Variants in CACNA2D3 observed in about 807,000 individuals in gnomAD.
CACNA2D3 encodes calcium voltage-gated channel auxiliary subunit alpha2delta 3.
CACNA2D3 carries 60 observed loss-of-function variants against 160.6 expected under a neutral mutation model. That is an observed-to-expected ratio of 0.37 (90% confidence interval 0.30 to 0.46). CACNA2D3 has a LOEUF of 0.46. CACNA2D3 is among the 20% of genes least tolerant of loss of function. The pLI, the probability that CACNA2D3 is intolerant of heterozygous loss-of-function variation, is 1.00. For missense variants in CACNA2D3, 1,205 were observed against 1,365.0 expected (o/e 0.88, Z 1.85); for synonymous variants, 558 against 492.9 (o/e 1.13, Z -1.75).
chr3:54,137,046 A>C (rs1466256105), intron 2 of CACNA2D3, among the ~76,000 whole-genome samples: 1 of 152,156 alleles, frequency 6.6e-6, no homozygotes, highest in Non-Finnish European at 1.5e-5. Context: ...GCCTGTGCAC[A>C]TCTTCCCTCT....
chr3:54,447,812 T>G (rs1700246075), intron 4 of CACNA2D3, among the ~76,000 whole-genome samples: 1 of 152,226 alleles, frequency 6.6e-6, no homozygotes. Context: ...TTGGGCTCTT[T>G]TAGATGACAT....
chr3:54,957,877 T>A (rs111366240), intron 27 of CACNA2D3, among the ~76,000 whole-genome samples: 4 of 152,320 alleles, frequency 2.6e-5, no homozygotes, highest in African/African-American at 9.6e-5. Flanking sequence ...ACAAATCTAT[T>A]TGTGTCTCAC....
chr3:55,051,278 T>G (rs1020924920), intron 35 of CACNA2D3, among the ~76,000 whole-genome samples: 3 of 152,118 alleles, frequency 2.0e-5, no homozygotes, highest in Non-Finnish European at 4.4e-5. Context: ...ACAGATGGGT[T>G]TTTGGTGTGG....
intron 5 of CACNA2D3, among the ~76,000 whole-genome samples, chr3:54,554,111 T>C (rs1462781557): frequency 6.6e-6 from 1 of 152,214 alleles, no homozygotes; most frequent in Non-Finnish European, 1.5e-5. Context: ...AAGCTCTTGC[T>C]AGCGTAGGCA....
At chr3:54,436,640 G>T (rs547437876) in intron 4 of CACNA2D3, among the ~76,000 whole-genome samples, 1 of 152,334 alleles carries the variant, frequency 6.6e-6, no homozygotes, top group Non-Finnish European at 1.5e-5. Flanking sequence ...GGACATGGTT[G>T]AAGCTGGAAG....
At chr3:54,794,705 A>C (rs1210845778) in intron 13 of CACNA2D3, among the ~76,000 whole-genome samples, 2 of 151,748 alleles carry the variant, frequency 1.3e-5, no homozygotes, top group African/African-American at 4.8e-5. Context: ...TTTTCTTATA[A>C]TACTTGAAAG....
intron 2 of CACNA2D3, among the ~76,000 whole-genome samples, chr3:54,234,267 A>C (rs1701833276): frequency 6.6e-6 from 1 of 152,240 alleles, no homozygotes; most frequent in South Asian, 2.1e-4. Context: ...GAGAAATGCA[A>C]ATCAAAACTA....
intron 2 of CACNA2D3, among the ~76,000 whole-genome samples, chr3:54,226,695 C>T (rs1559888391): frequency 6.6e-6 from 1 of 152,118 alleles, no homozygotes; most frequent in East Asian, 1.9e-4. Context: ...CCCTGCTAGT[C>T]CTATAACACT....
At chr3:54,385,805 A>C (rs887207611) in intron 3 of CACNA2D3, 1 of 414,112 alleles carries the variant, frequency 2.4e-6, no homozygotes, top group Non-Finnish European at 4.6e-6. Context: ...AAAGCAAGTT[A>C]AAGACAGCAT....
At chr3:54,985,775 T>G (rs1702601049) in intron 30 of CACNA2D3, among the ~76,000 whole-genome samples, 1 of 152,186 alleles carries the variant, frequency 6.6e-6, no homozygotes, top group Admixed American at 6.5e-5. Context: ...GTTTGGTAAT[T>G]TATAAACAGG....
At chr3:54,581,675 C>G in intron 8 of CACNA2D3, 128 bp from the exon 9 acceptor site, 1 of 719,734 alleles carries the variant, frequency 1.4e-6, no homozygotes, top group East Asian at 2.7e-5. Flanking sequence ...AGAGAGTTCA[C>G]CTTATGTGAA....
At chr3:54,763,705 GTATA>G (rs533189363) in intron 12 of CACNA2D3, among the ~76,000 whole-genome samples, 2 of 133,580 alleles carry the variant, frequency 1.5e-5, no homozygotes, top group African/African-American at 2.7e-5. Context: ...ATGTATATAT[GTATA>G]TATATGTACA....
intron 2 of CACNA2D3, among the ~76,000 whole-genome samples, chr3:54,242,175 C>T: frequency 6.6e-6 from 1 of 152,150 alleles, no homozygotes. Context: ...AATCCTAGCA[C>T]TTTGGGAGGC....
chr3:54,613,975 A>C (rs2106792881), intron 9 of CACNA2D3, among the ~76,000 whole-genome samples: 1 of 152,284 alleles, frequency 6.6e-6, no homozygotes, highest in Non-Finnish European at 1.5e-5. Flanking sequence ...CTACTCCTGC[A>C]TGTAGCTGTG....
At chr3:54,589,502 A>G (rs1575364620) in intron 9 of CACNA2D3, among the ~76,000 whole-genome samples, 2 of 152,136 alleles carry the variant, frequency 1.3e-5, no homozygotes, top group African/African-American at 4.8e-5. Flanking sequence ...TAGGCTTTAC[A>G]TCAAAAATAT....
At chr3:54,841,496 G>T (rs1343431910) in intron 16 of CACNA2D3, among the ~76,000 whole-genome samples, 2 of 152,180 alleles carry the variant, frequency 1.3e-5, no homozygotes, top group Admixed American at 1.3e-4. Flanking sequence ...TGTGAAAGGG[G>T]TACGTGTCAG....
chr3:54,618,636 G>C (rs1380775556), intron 9 of CACNA2D3, among the ~76,000 whole-genome samples: 1 of 152,110 alleles, frequency 6.6e-6, no homozygotes, highest in Non-Finnish European at 1.5e-5. Context: ...TCTTTGCTGA[G>C]CTTTCCCAGA....
At chr3:54,550,699 T>C (rs1161346008) in intron 5 of CACNA2D3, among the ~76,000 whole-genome samples, 3 of 152,206 alleles carry the variant, frequency 2.0e-5, no homozygotes, top group South Asian at 4.1e-4. Context: ...CATTTACGTG[T>C]GATCTAAGGG....
At chr3:54,824,105 C>T (rs1000678345) in intron 14 of CACNA2D3, among the ~76,000 whole-genome samples, 9 of 152,194 alleles carry the variant, frequency 5.9e-5, no homozygotes, top group African/African-American at 2.2e-4. Context: ...ATTCTTGGTA[C>T]AGACAGCTAT....
Sources: allele counts gnomAD v4.1 joint callset (sites outside exome capture counted in the v4.1 genomes callset), GRCh38; gene constraint gnomAD v4.1.1; transcripts MANE v1.5; gene names NCBI Gene and HGNC (gene_info 2026-07-23, HGNC 2026-07-21).